The following DZIP3 variants were observed in gnomAD, a reference collection of about 807,000 sequenced individuals.
DZIP3 encodes E3 ubiquitin-protein ligase DZIP3.
DZIP3 carries 118 observed loss-of-function variants against 162.0 expected under a neutral mutation model. The ratio of observed to expected loss-of-function variants is 0.73; its 90% CI spans 0.63 to 0.85. The LOEUF (loss-of-function observed/expected upper bound fraction) is 0.85, where lower values mean the gene tolerates loss of function less well. Among genes scored for constraint, DZIP3 ranks in the 40% least tolerant of loss-of-function variants. The pLI, the probability that DZIP3 is intolerant of heterozygous loss-of-function variation, is 0.00. For synonymous variants in DZIP3, 438 were observed against 458.6 expected (o/e 0.96, Z 0.57); for missense variants, 1,331 against 1,407.0 (o/e 0.95, Z 0.86).
At chr3:108,623,730 T>C (rs1393959207) in intron 5 of DZIP3, among the ~76,000 whole-genome samples, 2 of 152,216 alleles carry the variant, frequency 1.3e-5, no homozygotes, top group African/African-American at 2.4e-5. Flanking sequence ...CTGCAGTCCT[T>C]GTGGCCTAGA....
At chr3:108,634,205 G>A (rs1376851162) in intron 9 of DZIP3, among the ~76,000 whole-genome samples, 2 of 152,136 alleles carry the variant, frequency 1.3e-5, no homozygotes. Flanking sequence ...TAGTGCTCAG[G>A]GTCAGGCTTG....
At chr3:108,693,045 T>G (rs1013080064) in intron 32 of DZIP3, among the ~76,000 whole-genome samples, 1 of 151,566 alleles carries the variant, frequency 6.6e-6, no homozygotes, top group Non-Finnish European at 1.5e-5. Context: ...CTGATATGCC[T>G]GTTTTCCACA....
In DZIP3 at chr3:108,592,594, G is replaced by T. The variant is rs116385352; in HGVS notation, c.-73+2755G>T. On this transcript the variant is annotated intron_variant, in intron 1 of 32. Transcript: ENST00000361582. The stretch of plus-strand genomic sequence containing the variant: ...GCCTGTAGTCCCAGCTACTCAGGAG[G>T]CTGTCATGGGAGGAACACCTGAACC... Among the ~76,000 whole-genome samples, 1,143 of 151,852 alleles carry T rather than the reference G, an allele frequency of 7.5e-3. 22 individuals carry two copies. The highest frequency in any genetic ancestry group is 0.027 in the African/African-American group (1,099 of 41,368).
intron 21 of DZIP3, among the ~76,000 whole-genome samples, chr3:108,663,193 C>T (rs1336882068): frequency 6.6e-6 from 1 of 152,144 alleles, no homozygotes; most frequent in Non-Finnish European, 1.5e-5. Context: ...TAGAGAGATC[C>T]TTCAAGTTCA....
chr3:108,615,770 A>G (rs752532157), intron 4 of DZIP3, among the ~76,000 whole-genome samples: 31 of 152,362 alleles, frequency 2.0e-4, no homozygotes, highest in Non-Finnish European at 4.3e-4. Flanking sequence ...GCTCAGTTGC[A>G]ATCAGATTGC....
intron 19 of DZIP3, among the ~76,000 whole-genome samples, chr3:108,661,640 A>T (rs577314117): frequency 6.6e-6 from 1 of 150,588 alleles, no homozygotes; most frequent in Non-Finnish European, 1.5e-5. Context: ...TATAATAATT[A>T]AAAAAAAAGA....
intron 25 of DZIP3, 50 bp downstream of exon 25, chr3:108,675,923 T>G: frequency 6.6e-7 from 1 of 1,515,244 alleles, no homozygotes. Context: ...TTATAGGTGG[T>G]GTAAAGTTAG....
chr3:108,677,634 C>A lies in DZIP3; in HGVS notation c.2883+36C>A, dbSNP rs1394810900. 13 of 1,564,910 alleles carry A rather than the reference C, an allele frequency of 8.3e-6. No homozygotes were observed. The Admixed American group carries it at 2.0e-4, about 24-fold the overall frequency. On this transcript the variant is annotated intron_variant, in intron 26 of 32. Transcript: ENST00000361582. ...CAACATTTTGAATAATTGCCCTTTT[C>A]ATTTTGACAAAATGGTAAGGGCTGT...
chr3:108,594,292 A>T (rs960753628), intron 1 of DZIP3, among the ~76,000 whole-genome samples: 1 of 151,964 alleles, frequency 6.6e-6, no homozygotes, highest in Non-Finnish European at 1.5e-5. Flanking sequence ...TTTCATCCGT[A>T]TACATTCATC....
chr3:108,659,764 T>C lies in DZIP3; in HGVS notation c.2200-2113T>C, dbSNP rs559940573. Among the ~76,000 whole-genome samples the C allele has an allele frequency of 4.6e-4, 70 of 152,316 alleles. 1 individual carries two copies. The South Asian group carries it at 0.011, about 25-fold the overall frequency. On this transcript the variant is annotated intron_variant, in intron 19 of 32. Transcript: ENST00000361582. ...CCATCATCTCAGCCCAAAATCTCCT[T>C]AAGCTGATAAGCAACTTCAGCAAAG... is the stretch of plus-strand genomic sequence containing the variant.
intron 5 of DZIP3, among the ~76,000 whole-genome samples, chr3:108,624,107 A>T (rs890103304): frequency 6.6e-6 from 1 of 152,064 alleles, no homozygotes; most frequent in African/African-American, 2.4e-5. Flanking sequence ...TTTTGTTTCT[A>T]TGAAGGGGCT....
rs556416714 is a variant in DZIP3, at chr3:108,648,639, A to G, written c.1963-279A>G. 82 of 190,758 alleles carry G rather than the reference A, an allele frequency of 4.3e-4. 1 individual carries two copies. The South Asian group carries it at 7.8e-3, about 18-fold the overall frequency. 11.8% of individuals were successfully genotyped at this position (190,758 alleles called of 1,614,324 possible). On this transcript the variant is annotated intron_variant, in intron 16 of 32. Transcript: ENST00000361582. ...AAAAAGTGTCTTCCTCCTTTGTTACATCCATGTGTGTAAGTGAGCATCTGT... is the reference window on the plus strand; with the variant it reads ...AAAAAGTGTCTTCCTCCTTTGTTACGTCCATGTGTGTAAGTGAGCATCTGT...
intron 18 of DZIP3, among the ~76,000 whole-genome samples, chr3:108,652,883 T>C (rs751108203): frequency 4.6e-5 from 7 of 151,976 alleles, no homozygotes; most frequent in African/African-American, 7.2e-5. Flanking sequence ...ATATGTGTAG[T>C]AGGCTATACC....
chr3:108,686,197 A>G (rs751234079), intron 27 of DZIP3, among the ~76,000 whole-genome samples: 2 of 152,216 alleles, frequency 1.3e-5, no homozygotes, highest in Non-Finnish European at 2.9e-5. Flanking sequence ...TATTGTTTGT[A>G]TTAGTTAAGA....
At chr3:108,597,227 A>G (rs950172772) in intron 1 of DZIP3, among the ~76,000 whole-genome samples, 1 of 152,216 alleles carries the variant, frequency 6.6e-6, no homozygotes, top group Non-Finnish European at 1.5e-5. Flanking sequence ...CATGAAGTTA[A>G]CTTTCACTTT....
intron 3 of DZIP3, among the ~76,000 whole-genome samples, chr3:108,608,898 A>C (rs2107497483): frequency 6.6e-6 from 1 of 152,326 alleles, no homozygotes; most frequent in East Asian, 1.9e-4. Context: ...GGTTTAATTG[A>C]ATCACAGTTT....
intron 26 of DZIP3, among the ~76,000 whole-genome samples, chr3:108,681,036 A>G (rs1944286990): frequency 6.6e-6 from 1 of 152,220 alleles, no homozygotes; most frequent in Non-Finnish European, 1.5e-5. Context: ...GGACATAGGC[A>G]TGGGCAAAGA....
chr3:108,671,378 G>A (rs565124792), intron 22 of DZIP3, among the ~76,000 whole-genome samples: 3 of 151,700 alleles, frequency 2.0e-5, no homozygotes, highest in South Asian at 2.1e-4. Context: ...TTATAATGCC[G>A]TATTTTCAAT....
At chr3:108,618,582 CA>C (rs1941142931) in intron 5 of DZIP3, among the ~76,000 whole-genome samples, 3 of 152,216 alleles carry the variant, frequency 2.0e-5, no homozygotes, top group Middle Eastern at 3.4e-3. Flanking sequence ...AGGTGGGAAC[CA>C]CTTAGATGTT....
Sources: gnomAD v4.1 joint callset for allele counts (sites outside exome capture counted in the v4.1 genomes callset) on GRCh38, gnomAD v4.1.1 for gene constraint, MANE v1.5 for transcripts, NCBI Gene and HGNC (gene_info 2026-07-23, HGNC 2026-07-21) for gene names.